The following CSMD3 variants were observed in gnomAD, a reference collection of about 807,000 sequenced individuals.
The protein encoded by CSMD3 is CUB and sushi domain-containing protein 3.
A neutral mutation model predicts 435.2 loss-of-function variants in CSMD3; 177 were observed. The observed-to-expected ratio is 0.41, with a 90% CI of 0.36 to 0.46. CSMD3 has a LOEUF of 0.46. CSMD3 is among the 20% of genes least tolerant of loss of function. The pLI is 0.34. For synonymous variants in CSMD3, 1,656 were observed against 1,520.5 expected, an observed-to-expected ratio of 1.09 and a Z score of -2.07; for missense variants, 4,265 against 4,504.6, an observed-to-expected ratio of 0.95 and a Z score of 1.52.
chr8:113,269,047 A>G (rs988562484), intron 3 of CSMD3, among the ~76,000 whole-genome samples: 8 of 152,172 alleles, frequency 5.3e-5, no homozygotes, highest in Non-Finnish European at 1.0e-4. Context: ...TATAAATGTC[A>G]AAATGGTTTG....
At chr8:113,315,964 C>T (rs117605863) in intron 1 of CSMD3, among the ~76,000 whole-genome samples, 4,503 of 152,060 alleles carry the variant, frequency 0.03, 88 homozygotes, top group Admixed American at 0.04. Context: ...GGTGATCCAC[C>T]CACCTCAGTT....
At chr8:112,244,609 T>C (rs1264918531) in intron 64 of CSMD3, 36 bp from the exon 65 acceptor site, 5 of 1,588,954 alleles carry the variant, frequency 3.1e-6, no homozygotes, top group Admixed American at 1.7e-5. Context: ...AAATTTTCTA[T>C]AGATATGTTA....
intron 3 of CSMD3, among the ~76,000 whole-genome samples, chr8:113,245,393 ATTTC>A (rs922100319): frequency 9.9e-5 from 15 of 151,794 alleles, no homozygotes; most frequent in African/African-American, 3.6e-4. Context: ...TATCATTTTA[ATTTC>A]TTTTTTATTT....
chr8:113,366,807 G>T (rs952453957), intron 1 of CSMD3, among the ~76,000 whole-genome samples: 1 of 151,936 alleles, frequency 6.6e-6, no homozygotes, highest in Non-Finnish European at 1.5e-5. Flanking sequence ...AATATCAACT[G>T]TATCTTGGGA....
rs2130154128 is a variant in CSMD3, at chr8:112,247,034, T to C, written c.10208A>G (p.Gln3403Arg). The C allele has an allele frequency of 6.2e-7, 1 of 1,612,644 alleles. No individual in the cohort carries two copies. The highest frequency in any genetic ancestry group is 8.5e-7 in the Non-Finnish European group (1 of 1,178,692). The change falls in exon 64 of 71, where the codon CAG becomes CGG. Residue 3403 changes from glutamine (Q) to arginine (R), a missense_variant. Physicochemically the swap from Gln to Arg is conservative, Grantham distance 43 (BLOSUM62 1). Around this residue, in one of 3 missense-constraint regions of CSMD3, gnomAD observed 3,255 missense variants for 3,380.2 expected, o/e 0.96. Coordinates refer to ENST00000297405, the MANE Select transcript of CSMD3 (RefSeq NM_198123.2). ...ATAATACTTACGTATGCATTCAGGC[T>C]GAATCCCACTCCACGTAAGATCAGG... ...CLPDLTWSGI[Q>R]PECIPHSCKQ... is the part of the protein sequence containing the mutation.
intron 38 of CSMD3, among the ~76,000 whole-genome samples, chr8:112,370,595 A>T (rs1235899751): frequency 6.6e-6 from 1 of 152,002 alleles, no homozygotes; most frequent in Non-Finnish European, 1.5e-5. Context: ...CAGTATCTTC[A>T]CTTACCAGTA....
intron 6 of CSMD3, among the ~76,000 whole-genome samples, chr8:112,984,000 A>G (rs1427803347): frequency 6.6e-6 from 1 of 152,052 alleles, no homozygotes; most frequent in Admixed American, 6.6e-5. Context: ...GCAGCAAATT[A>G]ATTAGTAGAA....
At chr8:112,695,000 C>T (rs923276466) in intron 13 of CSMD3, among the ~76,000 whole-genome samples, 3 of 151,996 alleles carry the variant, frequency 2.0e-5, no homozygotes, top group Non-Finnish European at 2.9e-5. Context: ...GAAGGCATCA[C>T]CTCACTCAGG....
intron 28 of CSMD3, among the ~76,000 whole-genome samples, chr8:112,514,401 T>C (rs1281442130): frequency 2.6e-5 from 4 of 152,132 alleles, no homozygotes. Flanking sequence ...ATTCAAAATA[T>C]AAGTCAGGGA....
chr8:113,225,561 GA>G (rs1413887836), intron 3 of CSMD3, among the ~76,000 whole-genome samples: 1 of 150,998 alleles, frequency 6.6e-6, no homozygotes, highest in Non-Finnish European at 1.5e-5. Flanking sequence ...AATGACGAGA[GA>G]AAAAAAATTC....
intron 1 of CSMD3, among the ~76,000 whole-genome samples, chr8:113,428,041 A>G (rs529905425): frequency 2.5e-4 from 38 of 151,784 alleles, no homozygotes; most frequent in Admixed American, 2.0e-3. Context: ...TATTTAACAT[A>G]TGTATTACCT....
chr8:112,401,647 T>A (rs143091427), intron 35 of CSMD3, among the ~76,000 whole-genome samples: 170 of 152,290 alleles, frequency 1.1e-3, no homozygotes, highest in Admixed American at 4.0e-3. Flanking sequence ...TCCTCAACCA[T>A]TTGACCTGGA....
chr8:112,307,037 A>T (rs1821488707), intron 50 of CSMD3, among the ~76,000 whole-genome samples: 1 of 151,906 alleles, frequency 6.6e-6, no homozygotes, highest in Non-Finnish European at 1.5e-5. Flanking sequence ...AAACAGAAAA[A>T]AAAAAACACA....
At chr8:112,923,436 C>T (rs555306326) in intron 9 of CSMD3, among the ~76,000 whole-genome samples, 9 of 152,174 alleles carry the variant, frequency 5.9e-5, no homozygotes, top group African/African-American at 2.2e-4. Flanking sequence ...TTAGATTTAT[C>T]GACTTCCTTG....
intron 22 of CSMD3, among the ~76,000 whole-genome samples, chr8:112,606,620 C>G (rs895895612): frequency 3.3e-5 from 5 of 152,144 alleles, no homozygotes; most frequent in Non-Finnish European, 4.4e-5. Flanking sequence ...GAATATTCTT[C>G]AGGACATATC....
At chr8:112,855,996 AAAG>A (rs2129802288) in intron 11 of CSMD3, among the ~76,000 whole-genome samples, 1 of 152,076 alleles carries the variant, frequency 6.6e-6, no homozygotes, top group Non-Finnish European at 1.5e-5. Flanking sequence ...GGAAATTAAT[AAAG>A]AAGAACAAAC....
intron 4 of CSMD3, among the ~76,000 whole-genome samples, chr8:113,136,759 C>T (rs1177383806): frequency 6.6e-6 from 1 of 151,464 alleles, no homozygotes; most frequent in Non-Finnish European, 1.5e-5. Flanking sequence ...TTTGAGGAAA[C>T]AAGTGTAAGG....
chr8:112,480,262 T>C (rs1211797810), intron 31 of CSMD3, among the ~76,000 whole-genome samples: 2 of 152,172 alleles, frequency 1.3e-5, no homozygotes, highest in African/African-American at 2.4e-5. Flanking sequence ...ATCTTGGGAG[T>C]AAATAACTTG....
intron 1 of CSMD3, among the ~76,000 whole-genome samples, chr8:113,406,386 G>C (rs867739165): frequency 5.3e-5 from 8 of 152,014 alleles, no homozygotes; most frequent in African/African-American, 1.9e-4. Flanking sequence ...TTTTAAATCT[G>C]AATGTTAATG....
Sources: gnomAD v4.1 joint callset for allele counts (sites outside exome capture counted in the v4.1 genomes callset) on GRCh38, gnomAD v4.1.1 for gene constraint, gnomAD v4.1.1 regional missense constraint, MANE v1.5 for transcripts, NCBI Gene and HGNC (gene_info 2026-07-23, HGNC 2026-07-21) for gene names.